Variants in NLRP11 observed in about 807,000 individuals in gnomAD.
The protein encoded by NLRP11 is NACHT, LRR and PYD domains-containing protein 11.
A neutral mutation model predicts 79.3 loss-of-function variants in NLRP11; 53 were observed. The ratio of observed to expected loss-of-function variants is 0.67; its 90% confidence interval spans 0.54 to 0.84. The LOEUF (loss-of-function observed/expected upper bound fraction) is 0.84, where lower values mean the gene tolerates loss of function less well. NLRP11 is among the 40% of genes least tolerant of loss of function. The pLI is 0.00. For missense variants in NLRP11, 1,264 were observed against 1,255.0 expected, an observed-to-expected ratio of 1.01 and a Z score of -0.11; for synonymous variants, 518 against 462.6, an observed-to-expected ratio of 1.12 and a Z score of -1.54.
chr19:55,785,983 T>C, intron 9 of NLRP11, 112 bp from the exon 10 acceptor site: 4 of 1,140,686 alleles, frequency 3.5e-6, no homozygotes, highest in Non-Finnish European at 5.0e-6. Context: ...TGGGAGTATC[T>C]CAAGCCATCT....
At chr19:55,833,962 T>A (rs1427365143), upstream of NLRP11, among the ~76,000 whole-genome samples, 1 of 148,410 alleles carries the variant, frequency 6.7e-6, no homozygotes, top group East Asian at 2.0e-4. Context: ...AAAAAAAAAA[T>A]GGATCCCTTC....
intron 6 of NLRP11, among the ~76,000 whole-genome samples, chr19:55,793,587 A>C (rs1021996808): frequency 2.2e-5 from 3 of 135,946 alleles, no homozygotes; most frequent in Admixed American, 7.4e-5. Flanking sequence ...AAAAAAAAAA[A>C]GTTGAAAACA....
chr19:55,796,084 G>A, exon 6 of NLRP11: 2 of 1,609,814 alleles, frequency 1.2e-6, no homozygotes, highest in South Asian at 2.2e-5. Flanking sequence ...ACTTACACCA[G>A]TGATATAAGA....
intron 1 of NLRP11, among the ~76,000 whole-genome samples, chr19:55,822,413 A>G (rs1389569468): frequency 6.6e-6 from 1 of 152,246 alleles, no homozygotes. Context: ...GGAGGAGCCA[A>G]GATGGCCGAA....
intron 1 of NLRP11, among the ~76,000 whole-genome samples, chr19:55,821,931 G>T (rs1227979904): frequency 6.6e-6 from 1 of 152,214 alleles, no homozygotes; most frequent in Non-Finnish European, 1.5e-5. Context: ...TTTGCCAAGA[G>T]GTCAGTTCTT....
In NLRP11 at chr19:55,809,245, C is replaced by T; in HGVS notation, c.1365G>A (p.Glu455=). The T allele has an allele frequency of 6.2e-7, 1 of 1,614,000 alleles. No individual in the cohort carries two copies. The highest frequency in any genetic ancestry group is 2.2e-5 in the East Asian group (1 of 44,880). The change falls in exon 3 of 10, where the codon GAG becomes GAA. Residue 455 remains glutamate (E), a synonymous_variant. Coordinates refer to ENST00000589093, the Ensembl canonical transcript of NLRP11. The surrounding 1 kb of genome is among the most constrained non-coding windows in gnomAD (Gnocchi z 4.5). ...TCAGAAATGCAATGGCTGTACAAAACTCCTGGACGTTCAAGTGTATGAACT... is the reference window on the plus strand; with the variant it reads ...TCAGAAATGCAATGGCTGTACAAAATTCCTGGACGTTCAAGTGTATGAACT...
intron 2 of NLRP11, among the ~76,000 whole-genome samples, chr19:55,815,224 A>G (rs1417368579): frequency 6.6e-6 from 1 of 152,210 alleles, no homozygotes; most frequent in East Asian, 1.9e-4. Flanking sequence ...AGGATAAAGA[A>G]ATTATTCAGG....
exon 10 of NLRP11, chr19:55,785,616 AC>A (rs1989825710): frequency 1.2e-6 from 2 of 1,608,552 alleles, no homozygotes; most frequent in Non-Finnish European, 1.7e-6. Flanking sequence ...CTGTTTACGT[AC>A]AACATGATCA....
At chr19:55,814,860 C>T (rs887294890) in intron 2 of NLRP11, among the ~76,000 whole-genome samples, 4 of 152,110 alleles carry the variant, frequency 2.6e-5, no homozygotes, top group African/African-American at 9.7e-5. Flanking sequence ...ACAGGACAGC[C>T]ACCAGCCCAG....
chr19:55,786,505 A>T (rs184926669), intron 9 of NLRP11, among the ~76,000 whole-genome samples: 4 of 151,616 alleles, frequency 2.6e-5, no homozygotes, highest in Admixed American at 2.6e-4. Flanking sequence ...TGAGTGACAG[A>T]GCAAGACCCT....
intron 5 of NLRP11, among the ~76,000 whole-genome samples, chr19:55,800,309 T>C (rs1003563802): frequency 2.0e-5 from 3 of 152,188 alleles, no homozygotes; most frequent in African/African-American, 7.2e-5. Flanking sequence ...TTATTATTCA[T>C]TTATTTATTT....
intron 6 of NLRP11, among the ~76,000 whole-genome samples, chr19:55,793,061 T>G (rs553841104): frequency 3.9e-5 from 6 of 152,284 alleles, no homozygotes; most frequent in African/African-American, 1.2e-4. Context: ...TTTTTAAAAA[T>G]AGAGATGGGG....
intron 5 of NLRP11, 36 bp downstream of exon 5, chr19:55,801,536 C>T: frequency 6.3e-7 from 1 of 1,592,714 alleles, no homozygotes; most frequent in Non-Finnish European, 8.6e-7. Flanking sequence ...GCATTCCCCT[C>T]ACATGCACTG....
upstream of NLRP11, among the ~76,000 whole-genome samples, chr19:55,832,504 C>G (rs1982896224): frequency 1.3e-5 from 2 of 152,196 alleles, no homozygotes; most frequent in East Asian, 3.9e-4. Flanking sequence ...GGGGGCCCGT[C>G]TTGGCTGCCT....
At chr19:55,799,430 G>A (rs190015743) in intron 5 of NLRP11, among the ~76,000 whole-genome samples, 2 of 152,198 alleles carry the variant, frequency 1.3e-5, no homozygotes, top group East Asian at 3.9e-4. Context: ...AGAACCACTT[G>A]GAAATATCCC....
At chr19:55,790,299 G>A (rs769988753) in intron 7 of NLRP11, among the ~76,000 whole-genome samples, 3 of 152,092 alleles carry the variant, frequency 2.0e-5, no homozygotes, top group Non-Finnish European at 4.4e-5. Context: ...AGGCTTCACC[G>A]GCCATGGTGC....
At chr19:55,804,340 A>G (rs1371341379) in intron 4 of NLRP11, among the ~76,000 whole-genome samples, 1 of 152,214 alleles carries the variant, frequency 6.6e-6, no homozygotes, top group African/African-American at 2.4e-5. Context: ...ACTATTCACA[A>G]TAGCAAAGAC....
At chr19:55,804,683 T>C (rs1446988393) in intron 4 of NLRP11, among the ~76,000 whole-genome samples, 1 of 152,126 alleles carries the variant, frequency 6.6e-6, no homozygotes, top group Non-Finnish European at 1.5e-5. Flanking sequence ...TTATAGTCTA[T>C]ATACAAAATA....
chr19:55,816,925 A>T (rs1316700212), intron 2 of NLRP11, among the ~76,000 whole-genome samples: 1 of 152,202 alleles, frequency 6.6e-6, no homozygotes, highest in African/African-American at 2.4e-5. Flanking sequence ...CCAGTTCTGA[A>T]GACTGGTTCT....
Sources: gnomAD v4.1 joint callset for allele counts (sites outside exome capture counted in the v4.1 genomes callset) on GRCh38, gnomAD v4.1.1 for gene constraint, Gnocchi (gnomAD v3.1) non-coding constraint, MANE v1.5 for transcripts, NCBI Gene and HGNC (gene_info 2026-07-23, HGNC 2026-07-21) for gene names.